NOS1AP: variants seen among roughly 807,000 people sequenced by gnomAD.
NOS1AP encodes the protein carboxyl-terminal PDZ ligand of neuronal nitric oxide synthase protein.
NOS1AP carries 21 observed loss-of-function variants against 56.2 expected under a neutral mutation model. The observed-to-expected ratio is 0.37, with a 90% CI of 0.26 to 0.54. The LOEUF (loss-of-function observed/expected upper bound fraction) is 0.54. NOS1AP is among the 20% of genes least tolerant of loss of function. The probability of loss-of-function intolerance (pLI) is 0.84; values close to 1 mark genes in which losing one functional copy is unlikely to be tolerated. For synonymous variants in NOS1AP, 270 were observed against 274.6 expected (o/e 0.98, Z 0.17); for missense variants, 522 against 657.8 (o/e 0.79, Z 2.26).
chr1:162,078,267 C>G (rs1465079862), intron 1 of NOS1AP, among the ~76,000 whole-genome samples: 2 of 152,182 alleles, frequency 1.3e-5, no homozygotes, highest in South Asian at 4.1e-4. Context: ...GTGTTGCTGT[C>G]CCTATCACTC....
In NOS1AP at chr1:162,367,194, C is replaced by T; in HGVS notation, c.1248C>T (p.Gly416=). 1 of 1,613,914 alleles carries T rather than the reference C, an allele frequency of 6.2e-7. No homozygotes were observed. ...TGGCTGACTTTGCCCACCCTGCGGG[C>T]AGCCCCTTAGGTAGGCGCGACTGCT... The part of the protein sequence containing the change: ...AGLADFAHPA[G]SPLGRRDCLV... The change falls in exon 10 of 10, where the codon GGC becomes GGT. Residue 416 remains glycine (G), a synonymous_variant. Coordinates refer to ENST00000361897, the MANE Select transcript of NOS1AP (RefSeq NM_014697.3). This position sits in a 1 kb window ranked among gnomAD's most constrained non-coding sequence, Gnocchi z 6.5.
intron 4 of NOS1AP, among the ~76,000 whole-genome samples, chr1:162,314,890 A>G (rs371507123): frequency 6.6e-6 from 1 of 152,232 alleles, no homozygotes; most frequent in East Asian, 1.9e-4. Context: ...TGGCTCTTCT[A>G]CTGCTCAAGT....
At chr1:162,226,060 G>A (rs1002173744) in intron 2 of NOS1AP, among the ~76,000 whole-genome samples, 1 of 152,200 alleles carries the variant, frequency 6.6e-6, no homozygotes, top group African/African-American at 2.4e-5. Flanking sequence ...TTGTGGGGCT[G>A]AGGTGGGCGA....
intron 8 of NOS1AP, among the ~76,000 whole-genome samples, chr1:162,359,888 T>C (rs1237977041): frequency 6.6e-6 from 1 of 152,158 alleles, no homozygotes; most frequent in Non-Finnish European, 1.5e-5. Flanking sequence ...GGGAATAGTT[T>C]CCTTCTCTCG....
chr1:162,248,389 TCCATTAC>T (rs745873877), intron 2 of NOS1AP, among the ~76,000 whole-genome samples: 3 of 152,210 alleles, frequency 2.0e-5, no homozygotes, highest in Non-Finnish European at 4.4e-5. Context: ...TAGTGTGTCT[TCCATTAC>T]CCATATGCTT....
chr1:162,156,350 G>A (rs1356238460), intron 2 of NOS1AP, among the ~76,000 whole-genome samples: 2 of 152,158 alleles, frequency 1.3e-5, no homozygotes, highest in Non-Finnish European at 2.9e-5. Flanking sequence ...GGTCTGGGAA[G>A]GGGCAGGCAT....
intron 5 of NOS1AP, among the ~76,000 whole-genome samples, chr1:162,335,788 C>T (rs537549385): frequency 6.6e-6 from 1 of 152,316 alleles, no homozygotes; most frequent in South Asian, 2.1e-4. Context: ...TGCGTATATG[C>T]TCATGACCTC....
chr1:162,206,328 C>T (rs527508874), intron 2 of NOS1AP, among the ~76,000 whole-genome samples: 205 of 152,066 alleles, frequency 1.3e-3, no homozygotes, highest in Non-Finnish European at 2.4e-3. Flanking sequence ...ATGGGTTAGT[C>T]GGATCTGTGA....
chr1:162,369,131 G>A lies in NOS1AP; in HGVS notation c.*1664G>A, dbSNP rs1647283157. The A allele has an allele frequency of 6.6e-6, 1 of 152,260 alleles. No individual in the cohort carries two copies. Among genetic ancestry groups the A allele is most frequent in the Non-Finnish European group, 1.5e-5 (1 of 68,062 alleles). 9.4% of individuals were successfully genotyped at this position (152,260 alleles called of 1,614,324 possible). On this transcript the variant is annotated 3_prime_UTR_variant, in exon 10 of 10. Transcript: ENST00000361897. Reference sequence around the variant, plus strand: ...TTTATATATACATGTGTGAGGGAAAGTGTGTACATATATGTAGGATTGTAA... The same window carrying A: ...TTTATATATACATGTGTGAGGGAAAATGTGTACATATATGTAGGATTGTAA...
intron 2 of NOS1AP, among the ~76,000 whole-genome samples, chr1:162,247,852 A>G (rs1446238399): frequency 6.6e-6 from 1 of 152,216 alleles, no homozygotes; most frequent in Non-Finnish European, 1.5e-5. Flanking sequence ...GATGGCCTTC[A>G]TGAGAAAGAA....
intron 2 of NOS1AP, among the ~76,000 whole-genome samples, chr1:162,165,798 C>T (rs1401926187): frequency 6.6e-6 from 1 of 152,040 alleles, no homozygotes; most frequent in Non-Finnish European, 1.5e-5. Flanking sequence ...GTAAATAAGG[C>T]CATTATTTGA....
intron 2 of NOS1AP, among the ~76,000 whole-genome samples, chr1:162,203,779 T>C (rs530453559): frequency 1.3e-5 from 2 of 152,296 alleles, no homozygotes; most frequent in Admixed American, 1.3e-4. Context: ...ACCTTGCTTC[T>C]GAAAGGGGTT....
rs528791007 is a variant in NOS1AP, at chr1:162,215,540, C to A, written c.177+61064C>A. Among the ~76,000 whole-genome samples the A allele has an allele frequency of 4.6e-5, 7 of 152,350 alleles. No homozygotes were observed. The East Asian group carries it at 1.3e-3, about 29-fold the overall frequency. On this transcript the variant is annotated intron_variant, in intron 2 of 9. Coordinates refer to ENST00000361897, the MANE Select transcript of NOS1AP (RefSeq NM_014697.3). Reference sequence around the variant, plus strand: ...CATGGATGCTGGGCCAGGAGACAGTCTGAGTGGCAGGCACTGTATTATGCT... The same window carrying A: ...CATGGATGCTGGGCCAGGAGACAGTATGAGTGGCAGGCACTGTATTATGCT...
At chr1:162,073,207 A>G (rs1163764748) in intron 1 of NOS1AP, among the ~76,000 whole-genome samples, 3 of 152,072 alleles carry the variant, frequency 2.0e-5, no homozygotes, top group East Asian at 1.9e-4. Context: ...CCTTATGTCT[A>G]TTTTATAAAC....
At chr1:162,365,662 C>A (rs1338734019) in intron 9 of NOS1AP, 93 bp downstream of exon 9, 3 of 1,448,650 alleles carry the variant, frequency 2.1e-6, no homozygotes, top group Non-Finnish European at 2.8e-6. Context: ...TTTCTTGGAC[C>A]CCTGACCTAC....
At chr1:162,165,214 A>G (rs186051259) in intron 2 of NOS1AP, among the ~76,000 whole-genome samples, 16 of 152,184 alleles carry the variant, frequency 1.1e-4, no homozygotes, top group African/African-American at 3.6e-4. Flanking sequence ...CCAGCTACTC[A>G]GGAGGCTGAG....
intron 2 of NOS1AP, among the ~76,000 whole-genome samples, chr1:162,186,422 A>C (rs760391584): frequency 1.3e-5 from 2 of 152,016 alleles, no homozygotes; most frequent in Non-Finnish European, 2.9e-5. Flanking sequence ...ACAAAACAAA[A>C]AAAAACAAAA....
Position 162,257,085 on chromosome 1 carries a change from G to T in NOS1AP, c.178-30259G>T, listed in dbSNP as rs182449982. Among the ~76,000 whole-genome samples the T allele has an allele frequency of 1.6e-3, 238 of 152,290 alleles. 1 individual carries two copies. The highest frequency in any genetic ancestry group is 2.4e-3 in the Non-Finnish European group (166 of 68,020). On this transcript the variant is annotated intron_variant, in intron 2 of 9. Coordinates refer to ENST00000361897, the MANE Select transcript of NOS1AP (RefSeq NM_014697.3). Reference sequence around the variant, plus strand: ...GGGCTACATTGGAGGGGAGATAAAAGAATAGAAAGGGCATATGGGTATCCA... The same window carrying T: ...GGGCTACATTGGAGGGGAGATAAAATAATAGAAAGGGCATATGGGTATCCA...
chr1:162,315,924 A>G (rs1249359059), intron 4 of NOS1AP, among the ~76,000 whole-genome samples: 2 of 152,174 alleles, frequency 1.3e-5, no homozygotes, highest in South Asian at 4.1e-4. Context: ...TAGTTTATCT[A>G]TCATAGTTTT....
Sources: allele counts gnomAD v4.1 joint callset (sites outside exome capture counted in the v4.1 genomes callset), GRCh38; gene constraint gnomAD v4.1.1; non-coding constraint Gnocchi (gnomAD v3.1); transcripts MANE v1.5; gene names NCBI Gene and HGNC (gene_info 2026-07-23, HGNC 2026-07-21).